Variants in HRH1 observed in about 807,000 individuals in gnomAD.
HRH1 encodes the protein histamine H1 receptor.
In HRH1, 6 loss-of-function variants were observed where a neutral mutation model predicts 10.3. That is an observed-to-expected ratio of 0.58 (90% CI 0.32 to 1.15). HRH1 has a LOEUF of 1.15. Ranked by LOEUF, HRH1 falls within the 50% of genes most tolerant of loss-of-function variation. HRH1 has a pLI of 0.05. For synonymous variants in HRH1, 242 were observed against 236.7 expected (o/e 1.02, Z -0.21); for missense variants, 514 against 615.3 (o/e 0.84, Z 1.74).
chr3:11,165,842 G>A (rs1163858908), intron 1 of HRH1, among the ~76,000 whole-genome samples: 1 of 152,232 alleles, frequency 6.6e-6, no homozygotes, highest in Non-Finnish European at 1.5e-5. Flanking sequence ...CTCAGCTTCT[G>A]TGCTTATTAG....
intron 1 of HRH1, among the ~76,000 whole-genome samples, chr3:11,173,629 T>C (rs1937196940): frequency 6.6e-6 from 1 of 151,876 alleles, no homozygotes; most frequent in Non-Finnish European, 1.5e-5. Flanking sequence ...TTTAAATATA[T>C]ATAAATTAGT....
intron 1 of HRH1, among the ~76,000 whole-genome samples, chr3:11,170,521 G>A (rs1477040536): frequency 1.3e-5 from 2 of 152,262 alleles, no homozygotes; most frequent in African/African-American, 4.8e-5. Context: ...GGCAGACCCG[G>A]AACGGGCAGT....
chr3:11,225,471 G>T (rs932970898), intron 1 of HRH1, among the ~76,000 whole-genome samples: 1 of 152,132 alleles, frequency 6.6e-6, no homozygotes, highest in African/African-American at 2.4e-5. Flanking sequence ...TAGCCCCGAG[G>T]GATGATCAGG....
chr3:11,244,822 G>A (rs1559283928), intron 1 of HRH1, among the ~76,000 whole-genome samples: 1 of 152,200 alleles, frequency 6.6e-6, no homozygotes, highest in South Asian at 2.1e-4. Context: ...GGTGGGAATG[G>A]AGTGTAGTAG....
intron 1 of HRH1, among the ~76,000 whole-genome samples, chr3:11,256,834 A>G (rs1330793190): frequency 6.6e-6 from 1 of 152,166 alleles, no homozygotes; most frequent in East Asian, 1.9e-4. Context: ...CTTCTACTCA[A>G]GAACTTATCT....
chr3:11,147,225 A>G (rs977007343), intron 1 of HRH1, among the ~76,000 whole-genome samples: 5 of 152,208 alleles, frequency 3.3e-5, no homozygotes, highest in Admixed American at 3.3e-4. Context: ...TTCTTCCTGG[A>G]ATCGGCAACC....
chr3:11,141,414 G>C (rs951501502), intron 1 of HRH1, among the ~76,000 whole-genome samples: 1 of 152,204 alleles, frequency 6.6e-6, no homozygotes, highest in Non-Finnish European at 1.5e-5. Flanking sequence ...TTTATAATTT[G>C]GGGGGTCAGG....
At chr3:11,170,478 T>C (rs990850925) in intron 1 of HRH1, among the ~76,000 whole-genome samples, 1 of 152,226 alleles carries the variant, frequency 6.6e-6, no homozygotes, top group African/African-American at 2.4e-5. Context: ...CGAGGCATGC[T>C]CCATGATTTT....
chr3:11,149,011 T>C (rs917696419), intron 1 of HRH1, among the ~76,000 whole-genome samples: 1 of 152,068 alleles, frequency 6.6e-6, no homozygotes, highest in African/African-American at 2.4e-5. Flanking sequence ...TTGTAGACAC[T>C]TGAGATAGAG....
chr3:11,249,352 G>A lies in HRH1; in HGVS notation c.-35-9651G>A, dbSNP rs199823323. 1.4e-4 allele frequency among the ~76,000 whole-genome samples: 20 copies of A among 145,576 alleles called. No individual in the cohort carries two copies. In the East Asian group the frequency reaches 3.3e-3, roughly 24 times the overall value. The stretch of plus-strand genomic sequence containing the variant: ...CGGGAGGCAGAGCTTGCAGTGAGCC[G>A]AGATCGCGCCACTGCACTCCAGCCT... On this transcript the variant is annotated intron_variant, in intron 1 of 1. Transcript: ENST00000431010.
At chr3:11,210,286 C>T (rs1292183327) in intron 1 of HRH1, among the ~76,000 whole-genome samples, 2 of 151,972 alleles carry the variant, frequency 1.3e-5, no homozygotes, top group Non-Finnish European at 2.9e-5. Flanking sequence ...CTCAGCTACT[C>T]GGGATGCTGA....
At chr3:11,160,760 G>T (rs1559256201) in intron 1 of HRH1, among the ~76,000 whole-genome samples, 1 of 152,178 alleles carries the variant, frequency 6.6e-6, no homozygotes, top group Non-Finnish European at 1.5e-5. Context: ...CCCAGTCATT[G>T]ACAGTAGATC....
rs577990588 is a variant in HRH1, at chr3:11,211,595, C to T, written c.-35-47408C>T. Among the ~76,000 whole-genome samples, 24 of 152,296 alleles carry T rather than the reference C, an allele frequency of 1.6e-4. No individual in the cohort carries two copies. In the East Asian group the frequency reaches 1.7e-3, roughly 11 times the overall value. ...CCAGGGCAGCTCCATGCCTCAGCACCGGGGCCTTCCTGGCTATGACCCAGA... is the reference window on the plus strand; with the variant it reads ...CCAGGGCAGCTCCATGCCTCAGCACTGGGGCCTTCCTGGCTATGACCCAGA... On this transcript the variant is annotated intron_variant, in intron 1 of 1. Coordinates refer to ENST00000431010, the MANE Select transcript of HRH1 (RefSeq NM_001098212.2).
chr3:11,186,395 C>CA (rs1371242291), intron 1 of HRH1, among the ~76,000 whole-genome samples: 1 of 152,208 alleles, frequency 6.6e-6, no homozygotes, highest in African/African-American at 2.4e-5. Flanking sequence ...TACCATTGCA[C>CA]CTTTGCCCAG....
At chr3:11,255,498 T>G (rs1939760566) in intron 1 of HRH1, among the ~76,000 whole-genome samples, 1 of 152,212 alleles carries the variant, frequency 6.6e-6, no homozygotes, top group African/African-American at 2.4e-5. Context: ...CCCGAAAATC[T>G]GAGATAGGTC....
At chr3:11,202,693 G>A (rs1326501589) in intron 1 of HRH1, among the ~76,000 whole-genome samples, 1 of 152,238 alleles carries the variant, frequency 6.6e-6, no homozygotes, top group South Asian at 2.1e-4. Flanking sequence ...CATATGCACA[G>A]TCCCCTGCAC....
intron 1 of HRH1, among the ~76,000 whole-genome samples, chr3:11,159,426 A>G (rs1936882659): frequency 6.6e-6 from 1 of 152,178 alleles, no homozygotes; most frequent in Admixed American, 6.5e-5. Flanking sequence ...CTTTTTAGTT[A>G]TAAATGGAAA....
intron 1 of HRH1, among the ~76,000 whole-genome samples, chr3:11,180,626 C>T (rs986211769): frequency 6.6e-6 from 1 of 152,076 alleles, no homozygotes; most frequent in Non-Finnish European, 1.5e-5. Flanking sequence ...TCACCTCCAG[C>T]CCCTGGCAAC....
intron 1 of HRH1, among the ~76,000 whole-genome samples, chr3:11,148,192 A>AG (rs1476855149): frequency 7.2e-5 from 11 of 151,764 alleles, no homozygotes; most frequent in Admixed American, 4.6e-4. Flanking sequence ...AAAAAAAAAA[A>AG]AAAAAAGAAA....
Sources: gnomAD v4.1 joint callset for allele counts (sites outside exome capture counted in the v4.1 genomes callset) on GRCh38, gnomAD v4.1.1 for gene constraint, MANE v1.5 for transcripts, NCBI Gene and HGNC (gene_info 2026-07-23, HGNC 2026-07-21) for gene names.